TOX3: variants seen among roughly 807,000 people sequenced by gnomAD.
The protein encoded by TOX3 is TOX high mobility group box family member 3, also known as CAG trinucleotide repeat-containing gene F9 protein.
In TOX3, 22 loss-of-function variants were observed where a neutral mutation model predicts 64.3. The ratio of observed to expected loss-of-function variants is 0.34; its 90% CI spans 0.24 to 0.49. The LOEUF (loss-of-function observed/expected upper bound fraction) is 0.49, where lower values mean the gene tolerates loss of function less well. Ranked by LOEUF, TOX3 falls within the 20% of genes least tolerant of loss-of-function variation. The pLI is 0.99. For missense variants in TOX3, 661 were observed against 714.4 expected (o/e 0.93, Z 0.85); for synonymous variants, 291 against 273.6 (o/e 1.06, Z -0.63).
chr16:52,519,991 A>C (rs1392715014), intron 1 of TOX3, among the ~76,000 whole-genome samples: 1 of 149,950 alleles, frequency 6.7e-6, no homozygotes, highest in Non-Finnish European at 1.5e-5. Flanking sequence ...AAAAAAAAAA[A>C]AGAAGAAGAA....
chr16:52,545,424 T>G (rs1176038460), intron 1 of TOX3, among the ~76,000 whole-genome samples: 1 of 152,198 alleles, frequency 6.6e-6, no homozygotes, highest in Non-Finnish European at 1.5e-5. Flanking sequence ...GAACGCAGTA[T>G]AAACAAATAG....
At chr16:52,456,880 G>A (rs1960533890) in intron 3 of TOX3, among the ~76,000 whole-genome samples, 1 of 152,132 alleles carries the variant, frequency 6.6e-6, no homozygotes, top group Admixed American at 6.5e-5. Flanking sequence ...ACTTAAGAAG[G>A]CAAAAGAAAG....
chr16:52,520,769 A>G (rs1294667880), intron 1 of TOX3, among the ~76,000 whole-genome samples: 3 of 152,230 alleles, frequency 2.0e-5, no homozygotes, highest in Admixed American at 2.0e-4. Flanking sequence ...TTTCATGTGA[A>G]TTCAGGTCAA....
At chr16:52,463,831 C>G (rs1012639574) in intron 3 of TOX3, 103 bp downstream of exon 3, 30 of 1,364,740 alleles carry the variant, frequency 2.2e-5, no homozygotes, top group Non-Finnish European at 2.9e-5. Context: ...AATCAATCCA[C>G]TAGGAACAGG....
Position 52,463,994 on chromosome 16 carries a change from A to G in TOX3, c.348T>C (p.Ile116=). The G allele has an allele frequency of 6.3e-7, 1 of 1,597,536 alleles. No homozygotes were observed. The highest frequency in any genetic ancestry group is 8.5e-7 in the Non-Finnish European group (1 of 1,171,774). ...GTTCCACGAGATTTCTTGAGATTGTAATGGAAGGGAGGTCCAGGCTTTGAG... is the reference window on the plus strand; with the variant it reads ...GTTCCACGAGATTTCTTGAGATTGTGATGGAAGGGAGGTCCAGGCTTTGAG... ...FPPQSLDLPS[I]TISRNLVEQD... Residue 116 remains isoleucine (I), a synonymous_variant, in exon 3 of 7, where the codon ATT becomes ATC. Coordinates refer to ENST00000219746, the MANE Select transcript of TOX3 (RefSeq NM_001080430.4).
intron 1 of TOX3, among the ~76,000 whole-genome samples, chr16:52,511,058 C>T (rs1477772400): frequency 1.3e-5 from 2 of 152,092 alleles, no homozygotes; most frequent in South Asian, 2.1e-4. Context: ...GGGGGTAATG[C>T]TAAGGGGACC....
At chr16:52,523,464 G>A (rs1006832430) in intron 1 of TOX3, among the ~76,000 whole-genome samples, 8 of 152,130 alleles carry the variant, frequency 5.3e-5, no homozygotes, top group East Asian at 1.9e-4. Flanking sequence ...AATAGCCATC[G>A]ACATCTAGTT....
At chr16:52,470,883 C>T (rs1302916381) in intron 1 of TOX3, among the ~76,000 whole-genome samples, 1 of 152,158 alleles carries the variant, frequency 6.6e-6, no homozygotes, top group Non-Finnish European at 1.5e-5. Context: ...TTTGGAAACA[C>T]TTGCTGATCA....
chr16:52,467,723 T>C (rs751148878), intron 2 of TOX3, among the ~76,000 whole-genome samples: 1 of 152,140 alleles, frequency 6.6e-6, no homozygotes, highest in Non-Finnish European at 1.5e-5. Context: ...CTAATCAAGA[T>C]TGAGGTTTTT....
chr16:52,493,967 A>G (rs1267321211), intron 1 of TOX3, among the ~76,000 whole-genome samples: 4 of 152,184 alleles, frequency 2.6e-5, no homozygotes, highest in Admixed American at 6.6e-5. Context: ...GAAAGGCTTG[A>G]ATTTCATATC....
chr16:52,495,634 C>T (rs1961828657), intron 1 of TOX3, among the ~76,000 whole-genome samples: 1 of 152,154 alleles, frequency 6.6e-6, no homozygotes, highest in African/African-American at 2.4e-5. Flanking sequence ...AATTTGAAGC[C>T]AGTCTGTATA....
intron 5 of TOX3, 78 bp downstream of exon 5, chr16:52,445,916 G>A (rs922272001): frequency 4.0e-5 from 52 of 1,314,930 alleles, no homozygotes; most frequent in Non-Finnish European, 5.2e-5. Context: ...GTGAACACAT[G>A]CACTTGGAAA....
intron 1 of TOX3, among the ~76,000 whole-genome samples, chr16:52,486,816 G>A (rs143992376): frequency 1.4e-4 from 21 of 152,176 alleles, no homozygotes; most frequent in Admixed American, 2.6e-4. Flanking sequence ...CGCGCCTGTA[G>A]TCCCAGCTAC....
rs774127935 is a variant in TOX3 at position 52,439,878 on chromosome 16, T to G, written c.1078A>C (p.Thr360Pro). Residue 360 changes from threonine to proline, a missense_variant, in exon 7 of 7, where the codon ACT becomes CCT. Coordinates refer to ENST00000219746, the MANE Select transcript of TOX3 (RefSeq NM_001080430.4). ...TNLTSSLLLNTPLSQHGTVSA... is the reference protein window; with the variant it reads ...TNLTSSLLLNPPLSQHGTVSA... ...ACTGTTCCATGTTGAGACAGTGGAG[T>G]GTTGAGAAGGAGAGAGGATGTTAGA... is the stretch of plus-strand genomic sequence containing the variant. 1 of 1,613,210 alleles carries G rather than the reference T, an allele frequency of 6.2e-7. No individual in the cohort carries two copies. The highest frequency in any genetic ancestry group is 8.5e-7 in the Non-Finnish European group (1 of 1,179,726).
chr16:52,470,819 G>A (rs1221940567), intron 1 of TOX3, among the ~76,000 whole-genome samples: 1 of 152,172 alleles, frequency 6.6e-6, no homozygotes, highest in Non-Finnish European at 1.5e-5. Flanking sequence ...GCATTACAAA[G>A]CACTCCTTGC....
In TOX3 at chr16:52,463,471, C is replaced by T. The variant is rs529245091; in HGVS notation, c.408+463G>A. On this transcript the variant is annotated intron_variant, in intron 3 of 6. Coordinates refer to ENST00000219746, the MANE Select transcript of TOX3 (RefSeq NM_001080430.4). ...TCTCTGCTGGTTATAAGCAATTATA[C>T]TTTTTCCCTTTTTTGGTATCTCAGT... Among the ~76,000 whole-genome samples the T allele has an allele frequency of 2.7e-4, 41 of 152,276 alleles. No individual in the cohort carries two copies. The South Asian group carries it at 8.1e-3, about 30-fold the overall frequency.
chr16:52,445,889 A>C, intron 5 of TOX3, 105 bp downstream of exon 5: 1 of 1,057,120 alleles, frequency 9.5e-7, no homozygotes, highest in South Asian at 1.7e-5. Context: ...GGATTTCAAA[A>C]GAAGCAATCA....
intron 1 of TOX3, among the ~76,000 whole-genome samples, chr16:52,524,969 TA>T (rs10708737): frequency 0.031 from 4,497 of 144,430 alleles, 136 homozygotes; most frequent in African/African-American, 0.083. Flanking sequence ...ATTATTAAAT[TA>T]AAAAAAAAAA....
chr16:52,539,736 T>A (rs913029979), intron 1 of TOX3, among the ~76,000 whole-genome samples: 3 of 152,116 alleles, frequency 2.0e-5, no homozygotes, highest in Non-Finnish European at 2.9e-5. Context: ...CACTGAAATA[T>A]CCAAAATGAG....
Sources: gnomAD v4.1 joint callset for allele counts (sites outside exome capture counted in the v4.1 genomes callset) on GRCh38, gnomAD v4.1.1 for gene constraint, MANE v1.5 for transcripts, NCBI Gene and HGNC (gene_info 2026-07-23, HGNC 2026-07-21) for gene names.